Variants in CEP128 observed in about 807,000 individuals in gnomAD.
CEP128 encodes centrosomal protein 128.
CEP128 carries 132 observed loss-of-function variants against 156.7 expected under a neutral mutation model. That is an observed-to-expected ratio of 0.84 (90% CI 0.73 to 0.97). CEP128 has a LOEUF of 0.97. Among genes scored for constraint, CEP128 ranks in the 50% least tolerant of loss-of-function variants. CEP128 has a pLI of 0.00. For synonymous variants in CEP128, 469 were observed against 448.9 expected, an observed-to-expected ratio of 1.04 and a Z score of -0.57; for missense variants, 1,252 against 1,281.9, an observed-to-expected ratio of 0.98 and a Z score of 0.36.
Position 80,852,939 on chromosome 14 carries a change from A to G in CEP128, c.762+9818T>C, listed in dbSNP as rs577415360. Among the ~76,000 whole-genome samples the G allele has an allele frequency of 2.1e-3, 319 of 152,060 alleles. 1 individual carries two copies. The highest frequency in any genetic ancestry group is 7.3e-3 in the African/African-American group (302 of 41,560). On this transcript the variant is annotated intron_variant, in intron 9 of 24. Coordinates refer to ENST00000555265, the MANE Select transcript of CEP128 (RefSeq NM_152446.5). ...AAGTTAATTCAGCAATGTATAAAAAAAAATTATAATCAAATAAAGTTCTCA... is the reference window on the plus strand; with the variant it reads ...AAGTTAATTCAGCAATGTATAAAAAGAAATTATAATCAAATAAAGTTCTCA...
chr14:80,516,856 C>T (rs575059110), intron 23 of CEP128, among the ~76,000 whole-genome samples: 7 of 152,174 alleles, frequency 4.6e-5, no homozygotes, highest in Non-Finnish European at 8.8e-5. Context: ...TTAAGATAGT[C>T]TTTCCTACCC....
intron 8 of CEP128, among the ~76,000 whole-genome samples, chr14:80,872,930 T>C (rs1888099898): frequency 6.6e-6 from 1 of 152,216 alleles, no homozygotes; most frequent in Non-Finnish European, 1.5e-5. Flanking sequence ...TTGGACATTT[T>C]TTTCTTAATC....
intron 14 of CEP128, among the ~76,000 whole-genome samples, chr14:80,482,604 C>T (rs546003742): frequency 2.0e-5 from 3 of 152,264 alleles, no homozygotes; most frequent in Non-Finnish European, 2.9e-5. Flanking sequence ...TTAATATGAG[C>T]GACAAGACAC....
intron 19 of CEP128, among the ~76,000 whole-genome samples, chr14:80,646,130 T>C (rs1894621341): frequency 6.6e-6 from 1 of 152,146 alleles, no homozygotes; most frequent in Non-Finnish European, 1.5e-5. Flanking sequence ...TGGTAAATGC[T>C]TCATTACATA....
chr14:80,650,835 G>A (rs1894871761), intron 19 of CEP128, among the ~76,000 whole-genome samples: 1 of 152,064 alleles, frequency 6.6e-6, no homozygotes, highest in Non-Finnish European at 1.5e-5. Context: ...TTTTATTTAG[G>A]ATTTTCTCAT....
intron 17 of CEP128, among the ~76,000 whole-genome samples, chr14:80,757,218 G>A (rs1566897106): frequency 6.6e-6 from 1 of 152,130 alleles, no homozygotes; most frequent in Admixed American, 6.5e-5. Flanking sequence ...AGGATATATG[G>A]AGGCTGATTC....
intron 13 of CEP128, among the ~76,000 whole-genome samples, chr14:80,801,000 C>T (rs149080959): frequency 2.0e-4 from 30 of 152,194 alleles, no homozygotes; most frequent in African/African-American, 6.3e-4. Flanking sequence ...GGAAAGGAAA[C>T]GAACATTCAC....
At chr14:80,653,498 C>T (rs1406255700) in intron 19 of CEP128, among the ~76,000 whole-genome samples, 1 of 152,110 alleles carries the variant, frequency 6.6e-6, no homozygotes, top group Non-Finnish European at 1.5e-5. Context: ...GGTGGCTACA[C>T]TAAACAGATT....
At chr14:80,835,687 A>T (rs533797544) in intron 12 of CEP128, among the ~76,000 whole-genome samples, 2 of 152,292 alleles carry the variant, frequency 1.3e-5, no homozygotes, top group East Asian at 3.9e-4. Flanking sequence ...TTTTTCAAAC[A>T]CAAAGTATTC....
At chr14:80,499,279 C>T (rs897120321) in intron 24 of CEP128, among the ~76,000 whole-genome samples, 3 of 152,180 alleles carry the variant, frequency 2.0e-5, no homozygotes, top group African/African-American at 7.2e-5. Context: ...AAATAGTGTG[C>T]TATTCTTGCT....
intron 19 of CEP128, among the ~76,000 whole-genome samples, chr14:80,617,731 C>T (rs1293337142): frequency 6.6e-6 from 1 of 152,136 alleles, no homozygotes; most frequent in Admixed American, 6.5e-5. Context: ...CTCTTGAGCC[C>T]AGGAGTCGGA....
chr14:80,748,832 C>G (rs1566892876), intron 18 of CEP128, among the ~76,000 whole-genome samples: 1 of 152,090 alleles, frequency 6.6e-6, no homozygotes, highest in Non-Finnish European at 1.5e-5. Flanking sequence ...AATAAAGCAC[C>G]AAGTAGACTC....
intron 21 of CEP128, among the ~76,000 whole-genome samples, chr14:80,547,937 T>C (rs192465355): frequency 1.3e-5 from 2 of 152,212 alleles, no homozygotes; most frequent in East Asian, 3.9e-4. Context: ...TAGCTGGAAT[T>C]ACAGGCAAGC....
intron 19 of CEP128, among the ~76,000 whole-genome samples, chr14:80,609,949 C>T (rs1463783498): frequency 6.6e-6 from 1 of 152,110 alleles, no homozygotes; most frequent in East Asian, 1.9e-4. Flanking sequence ...CTCTCAGGTA[C>T]CCTCAAGAGT....
At chr14:80,824,534 C>T (rs1469548272) in intron 13 of CEP128, among the ~76,000 whole-genome samples, 1 of 152,180 alleles carries the variant, frequency 6.6e-6, no homozygotes, top group Non-Finnish European at 1.5e-5. Flanking sequence ...GAACAGATAT[C>T]CTAAAACATC....
At position 80,719,247 on chromosome 14, in the gene CEP128, G is replaced by GA. The variant is rs1350204853; in HGVS notation, c.2806+23827dup. Among the ~76,000 whole-genome samples, 5 of 152,134 alleles carry GA rather than the reference G, an allele frequency of 3.3e-5. No homozygotes were observed. In the East Asian group the frequency reaches 9.7e-4, roughly 29 times the overall value. ...CCTGCCCCTTAATTTGCATGTAATT[G>GA]AAAGTGCCTTTAAATGAGTATAAAT... On this transcript the variant is annotated intron_variant, in intron 19 of 24. Coordinates refer to ENST00000555265, the MANE Select transcript of CEP128 (RefSeq NM_152446.5).
intron 18 of CEP128, among the ~76,000 whole-genome samples, chr14:80,743,871 T>A: frequency 6.7e-6 from 1 of 148,968 alleles, no homozygotes; most frequent in South Asian, 2.1e-4. Flanking sequence ...TCTCTCTCTC[T>A]CACTCTTTTT....
intron 4 of CEP128, among the ~76,000 whole-genome samples, chr14:80,912,459 T>C (rs940193681): frequency 6.6e-6 from 1 of 152,162 alleles, no homozygotes; most frequent in Non-Finnish European, 1.5e-5. Flanking sequence ...AGTAGGACTA[T>C]ACTCTACTAA....
chr14:80,677,550 A>G (rs1230001447), intron 19 of CEP128, among the ~76,000 whole-genome samples: 2 of 148,994 alleles, frequency 1.3e-5, no homozygotes, highest in Non-Finnish European at 1.5e-5. Flanking sequence ...TCTCCCACCC[A>G]GGTGGTTTTA....
Sources: gnomAD v4.1 joint callset for allele counts (sites outside exome capture counted in the v4.1 genomes callset) on GRCh38, gnomAD v4.1.1 for gene constraint, MANE v1.5 for transcripts, NCBI Gene and HGNC (gene_info 2026-07-23, HGNC 2026-07-21) for gene names.